FBLN5: variants seen among roughly 807,000 people sequenced by gnomAD.
FBLN5 encodes fibulin 5, also known as fibulin-5.
FBLN5 carries 24 observed loss-of-function variants against 61.6 expected under a neutral mutation model. The observed-to-expected ratio is 0.39, with a 90% CI of 0.28 to 0.55. FBLN5 has a LOEUF of 0.55. Among genes scored for constraint, FBLN5 ranks in the 20% least tolerant of loss-of-function variants. The pLI is 0.65. For synonymous variants in FBLN5, 213 were observed against 219.8 expected (o/e 0.97, Z 0.27); for missense variants, 470 against 594.1 (o/e 0.79, Z 2.17).
At chr14:91,899,985 A>G (rs183298469) in intron 4 of FBLN5, among the ~76,000 whole-genome samples, 1 of 152,374 alleles carries the variant, frequency 6.6e-6, no homozygotes, top group Non-Finnish European at 1.5e-5. Context: ...GCCACAGCCC[A>G]CACATCTGCT....
chr14:91,939,887 G>T, intron 3 of FBLN5: 1 of 446,680 alleles, frequency 2.2e-6, no homozygotes, highest in Admixed American at 2.5e-5. Flanking sequence ...TTCTGGGTGG[G>T]CCCGATATAT....
chr14:91,938,700 T>C lies in FBLN5; in HGVS notation c.125-1499A>G, dbSNP rs114743333. On this transcript the variant is annotated intron_variant, in intron 3 of 10. Transcript: ENST00000342058. ...CTGTGGCTCCAGCGAGCAGTAGACA[T>C]GATCCCGTATACCGAGCCATGTCAG... 6.6e-4 allele frequency among the ~76,000 whole-genome samples: 100 copies of C among 152,282 alleles called. 1 individual carries two copies. Among genetic ancestry groups the C allele is most frequent in the African/African-American group, 2.4e-3 (98 of 41,556 alleles).
At chr14:91,917,985 C>G (rs887195392) in intron 4 of FBLN5, among the ~76,000 whole-genome samples, 1 of 152,304 alleles carries the variant, frequency 6.6e-6, no homozygotes, top group East Asian at 1.9e-4. Flanking sequence ...AGGACTAAGC[C>G]TCCCTCTGAA....
intron 2 of FBLN5, among the ~76,000 whole-genome samples, chr14:91,941,606 G>A (rs574085533): frequency 1.3e-5 from 2 of 152,110 alleles, no homozygotes; most frequent in Non-Finnish European, 2.9e-5. Context: ...TGGAACAGAC[G>A]AGCCAGGAAG....
Position 91,947,077 on chromosome 14 carries a change from C to A in FBLN5, c.17+136G>T, listed in dbSNP as rs917384582. On this transcript the variant is annotated intron_variant, in intron 1 of 10. Coordinates refer to ENST00000342058, the MANE Select transcript of FBLN5 (RefSeq NM_006329.4). The surrounding 1 kb of genome is among the most constrained non-coding windows in gnomAD (Gnocchi z 4.3). ...CGCAGCTTTTTATAATTAACAATAT[C>A]ATTGCATCACTAGCTCATGCCTTTT... is the stretch of plus-strand genomic sequence containing the variant. 3 of 1,536,378 alleles carry A rather than the reference C, an allele frequency of 2.0e-6. No homozygotes were observed. The highest frequency in any genetic ancestry group is 2.7e-6 in the Non-Finnish European group (3 of 1,130,786).
At chr14:91,889,574 G>C (rs140581855) in intron 6 of FBLN5, among the ~76,000 whole-genome samples, 27 of 152,328 alleles carry the variant, frequency 1.8e-4, no homozygotes, top group African/African-American at 6.0e-4. Flanking sequence ...CAGTGAAGCA[G>C]AGCCACAAAC....
intron 3 of FBLN5, chr14:91,939,977 A>C (rs1377172456): frequency 2.2e-6 from 1 of 453,846 alleles, no homozygotes; most frequent in East Asian, 6.9e-5. Context: ...AGAGATTCAA[A>C]GTGAGAAACG....
chr14:91,899,714 T>C (rs1002540858), intron 4 of FBLN5, among the ~76,000 whole-genome samples: 1 of 152,210 alleles, frequency 6.6e-6, no homozygotes, highest in Non-Finnish European at 1.5e-5. Context: ...TTTCATACCC[T>C]TAGCTATGTC....
chr14:91,917,955 G>A, intron 4 of FBLN5, among the ~76,000 whole-genome samples: 1 of 152,192 alleles, frequency 6.6e-6, no homozygotes, highest in Non-Finnish European at 1.5e-5. Context: ...AAGGTACAAT[G>A]GAATGGGCAA....
chr14:91,947,305 C>G lies in FBLN5; in HGVS notation c.-76G>C. The G allele has an allele frequency of 6.4e-7, 1 of 1,570,058 alleles. No individual in the cohort carries two copies. On this transcript the variant is annotated 5_prime_UTR_variant, in exon 1 of 11. Transcript: ENST00000342058. This position sits in a 1 kb window ranked among gnomAD's most constrained non-coding sequence, Gnocchi z 4.3. ...CGGGACCCCCGGAGGAGCTCGGGCA[C>G]GTCGGCCTCCTCTGGGCCCTCGGGG...
intron 4 of FBLN5, 37 bp from the exon 5 acceptor site, chr14:91,895,109 A>C (rs1890167326): frequency 6.2e-7 from 1 of 1,612,602 alleles, no homozygotes; most frequent in Non-Finnish European, 8.5e-7. Context: ...TGTCACTCAC[A>C]TCCATCTAGA....
Position 91,915,683 on chromosome 14 carries a change from T to C in FBLN5, c.380-20611A>G, listed in dbSNP as rs1485446990. ...GCCTGGGCGACAGAGCAAGACTCCA[T>C]CTCAAAAAAAAAAAAAAAAAAAAAA... On this transcript the variant is annotated intron_variant, in intron 4 of 10. Coordinates refer to ENST00000342058, the MANE Select transcript of FBLN5 (RefSeq NM_006329.4). Among the ~76,000 whole-genome samples the C allele has an allele frequency of 7.5e-5, 5 of 66,748 alleles. No individual in the cohort carries two copies. In the Admixed American group the frequency reaches 1.1e-3, roughly 15 times the overall value. 43.8% of individuals were successfully genotyped at this position (66,748 alleles called of 152,430 possible).
chr14:91,895,757 G>A (rs1890196606), intron 4 of FBLN5, among the ~76,000 whole-genome samples: 1 of 125,324 alleles, frequency 8.0e-6, no homozygotes, highest in Non-Finnish European at 1.6e-5. Context: ...GAGATCGCAC[G>A]ACTTCACTCC....
chr14:91,875,254 C>A (rs1376525401), intron 10 of FBLN5, among the ~76,000 whole-genome samples: 1 of 152,190 alleles, frequency 6.6e-6, no homozygotes, highest in Non-Finnish European at 1.5e-5. Flanking sequence ...TGGTACCAGA[C>A]TGTCTCCAGG....
rs1373720094 is a variant in FBLN5 at position 91,870,087 on chromosome 14, T to C, written c.*137A>G. ...AATAGTACAGGTGAGAGTCAGGAAG[T>C]CGGGGCTGACTCTTCGGGGAAACGT... On this transcript the variant is annotated 3_prime_UTR_variant, in exon 11 of 11. Transcript: ENST00000342058. 1.1e-6 allele frequency: 1 copy of C among 891,888 alleles called. No homozygotes were observed. Among genetic ancestry groups the C allele is most frequent in the African/African-American group, 1.6e-5 (1 of 61,034 alleles). 55.2% of individuals were successfully genotyped at this position (891,888 alleles called of 1,614,324 possible).
At chr14:91,883,450 A>G (rs1170458954) in intron 7 of FBLN5, among the ~76,000 whole-genome samples, 1 of 152,068 alleles carries the variant, frequency 6.6e-6, no homozygotes, top group Middle Eastern at 3.2e-3. Context: ...TTCTTTGCCC[A>G]CTGGGATTTT....
chr14:91,936,985 C>A lies in FBLN5; in HGVS notation c.341G>T (p.Arg114Leu), dbSNP rs769874344. ...YPTISRPLIC[R>L]FGYQMDESNQ... ...GCTTTCATCCATCTGGTATCCAAAG[C>A]GGCATATAAGAGGCCTGGAGATCGT... The change falls in exon 4 of 11, where the codon CGC (arginine) becomes CTC (leucine). Residue 114 changes from arginine (R) to leucine (L), a missense_variant. Coordinates refer to ENST00000342058, the MANE Select transcript of FBLN5 (RefSeq NM_006329.4). 1 of 1,614,108 alleles carries A rather than the reference C, an allele frequency of 6.2e-7. No homozygotes were observed. The highest frequency in any genetic ancestry group is 8.5e-7 in the Non-Finnish European group (1 of 1,180,016).
chr14:91,879,428 C>T (rs944275122), intron 9 of FBLN5, among the ~76,000 whole-genome samples: 1 of 152,196 alleles, frequency 6.6e-6, no homozygotes, highest in Non-Finnish European at 1.5e-5. Context: ...GGACAAGGAG[C>T]TGGAAGGGGC....
At position 91,931,142 on chromosome 14, in the gene FBLN5, C is replaced by A. The variant is rs79904986; in HGVS notation, c.379+5805G>T. Among the ~76,000 whole-genome samples the A allele has an allele frequency of 5.2e-3, 793 of 152,294 alleles. 4 individuals carry two copies. The highest frequency in any genetic ancestry group is 0.018 in the African/African-American group (730 of 41,562). ...CCCCGTCCTCACAGGTAGGAAGTGGCCAAACCAAGGTGAGACTCAAAGCCT... is the reference window on the plus strand; with the variant it reads ...CCCCGTCCTCACAGGTAGGAAGTGGACAAACCAAGGTGAGACTCAAAGCCT... On this transcript the variant is annotated intron_variant, in intron 4 of 10. Transcript: ENST00000342058.
Sources: gnomAD v4.1 joint callset for allele counts (sites outside exome capture counted in the v4.1 genomes callset) on GRCh38, gnomAD v4.1.1 for gene constraint, Gnocchi (gnomAD v3.1) non-coding constraint, MANE v1.5 for transcripts, NCBI Gene and HGNC (gene_info 2026-07-23, HGNC 2026-07-21) for gene names.